Variants in TOP1 observed in about 807,000 individuals in gnomAD.
TOP1 encodes DNA topoisomerase 1.
Under a neutral mutation model 111.1 loss-of-function variants are expected in TOP1, and 10 were observed. The ratio of observed to expected loss-of-function variants is 0.09; its 90% CI spans 0.06 to 0.15. TOP1 has a LOEUF of 0.15. Among genes scored for constraint, TOP1 ranks in the 10% least tolerant of loss-of-function variants. TOP1 has a pLI of 1.00. For synonymous variants in TOP1, 271 were observed against 302.9 expected, an observed-to-expected ratio of 0.89 and a Z score of 1.10; for missense variants, 474 against 926.7, an observed-to-expected ratio of 0.51 and a Z score of 6.34.
chr20:41,080,978 A>G lies in TOP1; in HGVS notation c.432-187A>G, dbSNP rs1322902879. Among the ~76,000 whole-genome samples the G allele has an allele frequency of 2.6e-5, 4 of 151,984 alleles. No homozygotes were observed. ...TTGTTTTGTTCTATATAGGGCTATA[A>G]CTATTACTCTTTGGTCTGACCTTCA... On this transcript the variant is annotated intron_variant, in intron 6 of 20. Coordinates refer to ENST00000361337, the MANE Select transcript of TOP1 (RefSeq NM_003286.4). The surrounding 1 kb of genome is among the most constrained non-coding windows in gnomAD (Gnocchi z 5.0).
chr20:41,112,846 G>A lies in TOP1; in HGVS notation c.1373G>A (p.Arg458Gln), dbSNP rs1313664473. Residue 458 changes from arginine to glutamine, a missense_variant, in exon 14 of 21, where the codon CGG becomes CAG. By Grantham distance (43) the Arg-to-Gln change is conservative. This residue lies in a region of TOP1 where 14 missense variants were observed against 22.2 expected (regional missense o/e 0.63). Coordinates refer to ENST00000361337, the MANE Select transcript of TOP1 (RefSeq NM_003286.4). This position sits in a 1 kb window ranked among gnomAD's most constrained non-coding sequence, Gnocchi z 5.8. The stretch of plus-strand genomic sequence containing the variant: ...CTGAAAAAATGTGTGGACAAGATCC[G>A]GAACCAGTATCGAGAAGACTGGAAG... ...RRLKKCVDKIRNQYREDWKSK... is the reference protein window; with the variant it reads ...RRLKKCVDKIQNQYREDWKSK... 3.7e-6 allele frequency: 6 copies of A among 1,614,092 alleles called. No individual in the cohort carries two copies. The highest frequency in any genetic ancestry group is 4.2e-6 in the Non-Finnish European group (5 of 1,180,038).
At chr20:41,081,908 A>G (rs931370224) in intron 7 of TOP1, among the ~76,000 whole-genome samples, 6 of 152,176 alleles carry the variant, frequency 3.9e-5, no homozygotes, top group African/African-American at 1.4e-4. Flanking sequence ...AACCTTCCTC[A>G]AAAAACTCAG....
chr20:41,066,476 T>G (rs2033608063), intron 3 of TOP1, among the ~76,000 whole-genome samples: 1 of 152,162 alleles, frequency 6.6e-6, no homozygotes, highest in Admixed American at 6.5e-5. Context: ...TTTACATCTA[T>G]TTAAAAGCAT....
rs2033931502 is a variant in TOP1 at position 41,092,461 on chromosome 20, G to T, written c.615-11G>T. ...CGATCACTAAATGAGGCTGTGCTTT[G>T]TCTTTTAAAGGTGGGAAGAAGAGCG... On this transcript the variant is annotated splice_polypyrimidine_tract_variant and intron_variant, in intron 8 of 20. Transcript: ENST00000361337. The surrounding 1 kb of genome is among the most constrained non-coding windows in gnomAD (Gnocchi z 4.3). 2 of 1,431,450 alleles carry T rather than the reference G, an allele frequency of 1.4e-6. No homozygotes were observed. The highest frequency in any genetic ancestry group is 1.4e-5 in the African/African-American group (1 of 69,664). 88.7% of individuals were successfully genotyped at this position (1,431,450 alleles called of 1,614,324 possible).
At chr20:41,085,526 A>G (rs891467802) in intron 8 of TOP1, among the ~76,000 whole-genome samples, 2 of 152,228 alleles carry the variant, frequency 1.3e-5, no homozygotes, top group African/African-American at 2.4e-5. Context: ...TTCTGTTAAC[A>G]TGTTCTATTT....
intron 9 of TOP1, among the ~76,000 whole-genome samples, chr20:41,093,548 T>C (rs1261434210): frequency 6.6e-6 from 1 of 152,102 alleles, no homozygotes; most frequent in Admixed American, 6.5e-5. Context: ...TTGGCCACTG[T>C]TATTTCACCA....
intron 8 of TOP1, among the ~76,000 whole-genome samples, chr20:41,091,920 C>A (rs2033925310): frequency 6.6e-6 from 1 of 152,110 alleles, no homozygotes; most frequent in African/African-American, 2.4e-5. Flanking sequence ...AAAAGTTGTT[C>A]CCACTGAGCT....
intron 3 of TOP1, chr20:41,073,215 C>T: frequency 1.0e-6 from 1 of 985,134 alleles, no homozygotes; most frequent in African/African-American, 1.7e-5. Flanking sequence ...TGCCAAAAGG[C>T]TCAGAAAGCC....
intron 3 of TOP1, among the ~76,000 whole-genome samples, chr20:41,065,197 G>A (rs1441365719): frequency 1.3e-5 from 2 of 152,130 alleles, no homozygotes; most frequent in Admixed American, 6.6e-5. Context: ...GAGCCACCAC[G>A]CCCAGCCTTT....
rs2034330275 is a variant in TOP1 at position 41,116,417 on chromosome 20, GCCC to G, written c.1822+26_1822+28del. 3 of 1,566,570 alleles carry G rather than the reference GCCC, an allele frequency of 1.9e-6. No individual in the cohort carries two copies. The highest frequency in any genetic ancestry group is 2.6e-6 in the Non-Finnish European group (3 of 1,136,842). ...CGTAAGTATTGCTTGGCCAGATAGG[GCCC>G]ACACCCCTACTAATGGTATCCGGTG... On this transcript the variant is annotated intron_variant, in intron 17 of 20. Coordinates refer to ENST00000361337, the MANE Select transcript of TOP1 (RefSeq NM_003286.4). This position sits in a 1 kb window ranked among gnomAD's most constrained non-coding sequence, Gnocchi z 5.6.
In TOP1 at chr20:41,033,624, T is replaced by C. The variant is rs1025369380; in HGVS notation, c.58+4169T>C. On this transcript the variant is annotated intron_variant, in intron 2 of 20. Transcript: ENST00000361337. Reference sequence around the variant, plus strand: ...ATATAGTAACAGTTGTCCCTGCTGCTAATGGTATGGAAAATGATTCTGTTG... The same window carrying C: ...ATATAGTAACAGTTGTCCCTGCTGCCAATGGTATGGAAAATGATTCTGTTG... Among the ~76,000 whole-genome samples the C allele has an allele frequency of 2.0e-5, 3 of 152,204 alleles. No homozygotes were observed. The South Asian group carries it at 6.2e-4, about 31-fold the overall frequency.
chr20:41,090,618 T>C (rs2033908534), intron 8 of TOP1, among the ~76,000 whole-genome samples: 1 of 152,180 alleles, frequency 6.6e-6, no homozygotes, highest in African/African-American at 2.4e-5. Context: ...TTCTTGTGTC[T>C]CAGTCTCCTG....
chr20:41,064,741 G>A (rs546628939), intron 3 of TOP1, among the ~76,000 whole-genome samples: 2 of 152,110 alleles, frequency 1.3e-5, no homozygotes, highest in Admixed American at 6.5e-5. Context: ...TGCCACTTTT[G>A]TGTGCTCTCT....
chr20:41,091,193 G>T (rs941066416), intron 8 of TOP1, among the ~76,000 whole-genome samples: 1 of 152,122 alleles, frequency 6.6e-6, no homozygotes, highest in Non-Finnish European at 1.5e-5. Context: ...ATGGCTGAAT[G>T]ATTGATAATA....
rs41303931 is a variant in TOP1 at position 41,114,350 on chromosome 20, G to A, written c.1638+195G>A. Among the ~76,000 whole-genome samples, 981 of 152,330 alleles carry A rather than the reference G, an allele frequency of 6.4e-3. 4 individuals carry two copies. Among genetic ancestry groups the A allele is most frequent in the Non-Finnish European group, 0.011 (730 of 68,034 alleles). The stretch of plus-strand genomic sequence containing the variant: ...GATCACTGGAGACCAAAAGTTTGAG[G>A]CTGTAGTGTGCTGTGATCACACCTG... On this transcript the variant is annotated intron_variant, in intron 15 of 20. Transcript: ENST00000361337. This position sits in a 1 kb window ranked among gnomAD's most constrained non-coding sequence, Gnocchi z 4.5.
At chr20:41,062,872 A>G (rs1295981386) in intron 3 of TOP1, among the ~76,000 whole-genome samples, 2 of 152,228 alleles carry the variant, frequency 1.3e-5, no homozygotes, top group Non-Finnish European at 2.9e-5. Context: ...ATCGACATTT[A>G]TAGGTTTTTC....
rs146668680 is a variant in TOP1 at position 41,121,801 on chromosome 20, G to A, written c.2045+11G>A. 1,062 of 1,612,910 alleles carry A rather than the reference G, an allele frequency of 6.6e-4. 5 individuals carry two copies. The African/African-American group carries it at 6.6e-3, about 10-fold the overall frequency. The stretch of plus-strand genomic sequence containing the variant: ...TGCAAAGACGAAGAAGTATGTACCT[G>A]GTATTGTGAAAGTTGGGGCTGGTAG... On this transcript the variant is annotated intron_variant, in intron 19 of 20. Transcript: ENST00000361337. This position sits in a 1 kb window ranked among gnomAD's most constrained non-coding sequence, Gnocchi z 4.2.
rs1328510657 is a variant in TOP1 at position 41,092,129 on chromosome 20, C to T, written c.615-343C>T. 6.6e-6 allele frequency among the ~76,000 whole-genome samples: 1 copy of T among 152,202 alleles called. No individual in the cohort carries two copies. Among genetic ancestry groups the T allele is most frequent in the African/African-American group, 2.4e-5 (1 of 41,424 alleles). On this transcript the variant is annotated intron_variant, in intron 8 of 20. Coordinates refer to ENST00000361337, the MANE Select transcript of TOP1 (RefSeq NM_003286.4). The surrounding 1 kb of genome is among the most constrained non-coding windows in gnomAD (Gnocchi z 4.3). ...TCCTTACAAACAATGTAAACAATCCCTCTGTCATGTATGCCATTGTGGTAA... is the reference window on the plus strand; with the variant it reads ...TCCTTACAAACAATGTAAACAATCCTTCTGTCATGTATGCCATTGTGGTAA...
chr20:41,084,882 T>C (rs370311519), intron 8 of TOP1, among the ~76,000 whole-genome samples: 17 of 152,120 alleles, frequency 1.1e-4, no homozygotes, highest in Non-Finnish European at 1.2e-4. Flanking sequence ...AAGGACAGAT[T>C]ATTATGTAAG....
Sources: gnomAD v4.1 joint callset for allele counts (sites outside exome capture counted in the v4.1 genomes callset) on GRCh38, gnomAD v4.1.1 for gene constraint, gnomAD v4.1.1 regional missense constraint, Gnocchi (gnomAD v3.1) non-coding constraint, MANE v1.5 for transcripts, NCBI Gene and HGNC (gene_info 2026-07-23, HGNC 2026-07-21) for gene names.